The following GRIA3 variants were observed in gnomAD, a reference collection of about 807,000 sequenced individuals.
GRIA3 encodes the protein glutamate receptor 3.
A neutral mutation model predicts 63.0 loss-of-function variants in GRIA3; 3 were observed. The observed-to-expected ratio is 0.05, with a 90% confidence interval of 0.02 to 0.12. GRIA3 has a LOEUF of 0.12. GRIA3 is among the 10% of genes least tolerant of loss of function. GRIA3 has a pLI of 1.00. For synonymous variants in GRIA3, 274 were observed against 257.9 expected, an observed-to-expected ratio of 1.06 and a Z score of -0.60; for missense variants, 347 against 700.9, an observed-to-expected ratio of 0.50 and a Z score of 5.70.
intron 3 of GRIA3, among the ~76,000 whole-genome samples, chrX:123,263,521 A>T (rs183397876): frequency 8.9e-6 from 1 of 112,227 alleles, no homozygotes; most frequent in African/African-American, 3.2e-5. Flanking sequence ...CTGACAGGTT[A>T]TGTTCCTGGG....
chrX:123,430,538 G>A (rs754309170), intron 12 of GRIA3, among the ~76,000 whole-genome samples: 97 of 111,347 alleles, frequency 8.7e-4, no homozygotes, highest in African/African-American at 3.0e-3. Context: ...TTGTGGGGCC[G>A]GCAGCCAATT....
chrX:123,356,507 CCTTA>C (rs1246470319), intron 5 of GRIA3, among the ~76,000 whole-genome samples: 1 of 111,382 alleles, frequency 9.0e-6, no homozygotes, highest in Non-Finnish European at 1.9e-5. Flanking sequence ...AAATATATTT[CCTTA>C]CTATGTATTA....
chrX:123,185,154 A>G (rs899880504), intron 1 of GRIA3, among the ~76,000 whole-genome samples: 4 of 110,975 alleles, frequency 3.6e-5, no homozygotes, highest in Non-Finnish European at 7.6e-5. Flanking sequence ...TGGATCTCCC[A>G]GACCCGGGCA....
At position 123,282,560 on chromosome X, in the gene GRIA3, A is replaced by G. The variant is rs138571332; in HGVS notation, c.508+29018A>G. Among the ~76,000 whole-genome samples, 339 of 112,443 alleles carry G rather than the reference A, an allele frequency of 3.0e-3. 2 individuals are homozygous for G. Among genetic ancestry groups the G allele is most frequent in the African/African-American group, 9.5e-3 (294 of 30,982 alleles). On this transcript the variant is annotated intron_variant, in intron 3 of 15. Transcript: ENST00000620443. ...CATCGCCAAAGGCAGCGTTTCTCAT[A>G]CTCCAGTCCTCAGATGAACAGTGGC...
chrX:123,362,072 G>A lies in GRIA3; in HGVS notation c.750+7109G>A, dbSNP rs1381976573. ...TCATCTCAGACTGGTAACAAACAATGAACCAGCACCAGTCTGCACACATTT... is the reference window on the plus strand; with the variant it reads ...TCATCTCAGACTGGTAACAAACAATAAACCAGCACCAGTCTGCACACATTT... On this transcript the variant is annotated intron_variant, in intron 5 of 15. Coordinates refer to ENST00000620443, the MANE Select transcript of GRIA3 (RefSeq NM_007325.5). Among the ~76,000 whole-genome samples, 11 of 111,799 alleles carry A rather than the reference G, an allele frequency of 9.8e-5. No individual in the cohort carries two copies. The Admixed American group carries it at 1.0e-3, about 11-fold the overall frequency.
At chrX:123,396,192 C>T (rs138421269) in intron 6 of GRIA3, among the ~76,000 whole-genome samples, 536 of 33,446 alleles carry the variant, frequency 0.016, 1 homozygote, top group African/African-American at 0.038. Flanking sequence ...GGCTGGACTC[C>T]ATCTCAAAAT....
At chrX:123,450,920 C>G (rs1247681908) in intron 12 of GRIA3, among the ~76,000 whole-genome samples, 2 of 111,614 alleles carry the variant, frequency 1.8e-5, no homozygotes, top group Non-Finnish European at 3.8e-5. Flanking sequence ...GAAAAGCATT[C>G]CAGATGGAAT....
At chrX:123,296,042 T>C (rs1033153174) in intron 3 of GRIA3, among the ~76,000 whole-genome samples, 3 of 111,660 alleles carry the variant, frequency 2.7e-5, no homozygotes, top group African/African-American at 9.7e-5. Flanking sequence ...GTTTGAAGAA[T>C]TTTTTATTTC....
intron 3 of GRIA3, among the ~76,000 whole-genome samples, chrX:123,309,313 G>A (rs2044774890): frequency 9.2e-6 from 1 of 108,134 alleles, no homozygotes; most frequent in Non-Finnish European, 1.9e-5. Flanking sequence ...GTTGCAGTGA[G>A]CCAAGATCGT....
chrX:123,352,658 C>T (rs2045104238), intron 4 of GRIA3, among the ~76,000 whole-genome samples: 1 of 111,566 alleles, frequency 9.0e-6, no homozygotes, highest in Non-Finnish European at 1.9e-5. Context: ...CTTCCTTATT[C>T]CCCTCTAAGC....
At chrX:123,248,883 C>T (rs1160855946) in intron 2 of GRIA3, among the ~76,000 whole-genome samples, 2 of 111,988 alleles carry the variant, frequency 1.8e-5, no homozygotes, top group Admixed American at 1.9e-4. Flanking sequence ...ATCATGACTC[C>T]CAAAAGATCA....
intron 5 of GRIA3, among the ~76,000 whole-genome samples, chrX:123,394,383 A>G (rs1260516750): frequency 1.8e-5 from 2 of 110,748 alleles, no homozygotes; most frequent in Non-Finnish European, 3.8e-5. Flanking sequence ...TGGGTAACAG[A>G]GCGAGATTCT....
intron 4 of GRIA3, among the ~76,000 whole-genome samples, chrX:123,342,175 A>G (rs1340484172): frequency 1.8e-5 from 2 of 112,184 alleles, no homozygotes; most frequent in Non-Finnish European, 3.8e-5. Context: ...GCCTGCCCCA[A>G]TCAGCGCCCC....
intron 2 of GRIA3, among the ~76,000 whole-genome samples, chrX:123,200,602 CAT>C (rs1208366093): frequency 3.4e-4 from 25 of 72,531 alleles, no homozygotes; most frequent in African/African-American, 1.1e-3. Flanking sequence ...CACACACACA[CAT>C]ACATACACAC....
At chrX:123,283,290 C>A (rs935714930) in intron 3 of GRIA3, among the ~76,000 whole-genome samples, 4 of 111,781 alleles carry the variant, frequency 3.6e-5, no homozygotes, top group African/African-American at 1.3e-4. Flanking sequence ...CCACCAGGGC[C>A]CTGGGTTTCA....
chrX:123,476,808 G>C (rs2045889057), intron 13 of GRIA3, among the ~76,000 whole-genome samples: 1 of 111,198 alleles, frequency 9.0e-6, no homozygotes, highest in Admixed American at 9.6e-5. Flanking sequence ...TCTCACAGGA[G>C]GTCTGGATAC....
intron 6 of GRIA3, among the ~76,000 whole-genome samples, chrX:123,397,728 G>C (rs1416578418): frequency 8.9e-6 from 1 of 112,241 alleles, no homozygotes; most frequent in Non-Finnish European, 1.9e-5. Flanking sequence ...ACTAGAGAGA[G>C]AGAACTCCCC....
chrX:123,211,492 T>G (rs772206218), intron 2 of GRIA3, among the ~76,000 whole-genome samples: 4 of 111,264 alleles, frequency 3.6e-5, no homozygotes, highest in Non-Finnish European at 5.7e-5. Context: ...TAGTCAAGAG[T>G]GGGGATTAGG....
chrX:123,262,088 T>C (rs759736599), intron 3 of GRIA3, among the ~76,000 whole-genome samples: 2 of 111,863 alleles, frequency 1.8e-5, no homozygotes, highest in Non-Finnish European at 3.8e-5. Context: ...AAATGTTCCT[T>C]GGGGCAGGGA....
Sources: gnomAD v4.1 joint callset for allele counts (sites outside exome capture counted in the v4.1 genomes callset) on GRCh38, gnomAD v4.1.1 for gene constraint, MANE v1.5 for transcripts, NCBI Gene and HGNC (gene_info 2026-07-23, HGNC 2026-07-21) for gene names.